Variants in TLR4 observed in about 807,000 individuals in gnomAD.
TLR4 encodes the protein toll-like receptor 4.
In TLR4, 17 loss-of-function variants were observed where a neutral mutation model predicts 27.4. The ratio of observed to expected loss-of-function variants is 0.62; its 90% confidence interval spans 0.42 to 0.93. TLR4 has a LOEUF of 0.93. Among genes scored for constraint, TLR4 ranks in the 40% least tolerant of loss-of-function variants. The pLI is 0.00. For missense variants in TLR4, 926 were observed against 962.3 expected, an observed-to-expected ratio of 0.96 and a Z score of 0.50; for synonymous variants, 363 against 365.7, an observed-to-expected ratio of 0.99 and a Z score of 0.08.
intron 2 of TLR4, among the ~76,000 whole-genome samples, chr9:117,709,174 A>G (rs1002034544): frequency 2.0e-5 from 3 of 152,182 alleles, no homozygotes; most frequent in Non-Finnish European, 4.4e-5. Context: ...TACATAGTAT[A>G]TAGTCAACAC....
chr9:117,708,334 A>T, intron 1 of TLR4: 1 of 1,338,818 alleles, frequency 7.5e-7, no homozygotes, highest in Non-Finnish European at 9.6e-7. Flanking sequence ...AATGCTGAGC[A>T]CGTAGTAGGT....
intron 1 of TLR4, among the ~76,000 whole-genome samples, chr9:117,705,996 T>C (rs539091421): frequency 1.3e-5 from 2 of 152,316 alleles, no homozygotes; most frequent in East Asian, 1.9e-4. Flanking sequence ...ATTTCGATAA[T>C]AGTTTTATTT....
rs1829100588 is a variant in TLR4, at chr9:117,704,455, A to G, written c.-18A>G. The G allele has an allele frequency of 1.2e-6, 2 of 1,608,894 alleles. No homozygotes were observed. The highest frequency in any genetic ancestry group is 2.7e-5 in the African/African-American group (2 of 74,968). On this transcript the variant is annotated 5_prime_UTR_variant, in exon 1 of 3. Transcript: ENST00000355622. Reference sequence around the variant, plus strand: ...CAGGGCCACTGCTGCTCACAGAAGCAGTGAGGATGATGCCAGGATGATGTC... The same window carrying G: ...CAGGGCCACTGCTGCTCACAGAAGCGGTGAGGATGATGCCAGGATGATGTC...
At position 117,714,004 on chromosome 9, in the gene TLR4, A is replaced by G; in HGVS notation, c.1876A>G (p.Thr626Ala). ...QGMPVLSLNI[T>A]CQMNKTIIGV... ...CATGCCTGTGCTGAGTTTGAATATCACCTGTCAGATGAATAAGACCATCAT... is the reference window on the plus strand; with the variant it reads ...CATGCCTGTGCTGAGTTTGAATATCGCCTGTCAGATGAATAAGACCATCAT... Residue 626 changes from threonine to alanine, a missense_variant, in exon 3 of 3, where the codon ACC becomes GCC. Coordinates refer to ENST00000355622, the MANE Select transcript of TLR4 (RefSeq NM_138554.5). The G allele has an allele frequency of 6.2e-7, 1 of 1,613,876 alleles. No individual in the cohort carries two copies. Among genetic ancestry groups the G allele is most frequent in the Non-Finnish European group, 8.5e-7 (1 of 1,179,946 alleles).
rs1829402445 is a variant in TLR4 at position 117,719,811 on chromosome 9, C to G, written c.*5163C>G. 6.6e-6 allele frequency: 1 copy of G among 152,170 alleles called. No individual in the cohort carries two copies. The highest frequency in any genetic ancestry group is 6.5e-5 in the Admixed American group (1 of 15,280). The allele number at this position is 152,170 out of a possible 1,614,324, so 9.4% of individuals were successfully genotyped here. A position where few individuals can be genotyped will look rare whatever the true frequency, so the allele number is the denominator to read the frequency against. ...GGCTGCCCTTATGGAGATCACCGAA[C>G]TTTTCAACTCAAAGTAAAATCTGTG... On this transcript the variant is annotated 3_prime_UTR_variant, in exon 3 of 3. Coordinates refer to ENST00000355622, the MANE Select transcript of TLR4 (RefSeq NM_138554.5).
rs1402731343 is a variant in TLR4, at chr9:117,718,660, T to C, written c.*4012T>C. The C allele has an allele frequency of 6.6e-6, 1 of 152,170 alleles. No homozygotes were observed. The highest frequency in any genetic ancestry group is 2.1e-4 in the South Asian group (1 of 4,828). 9.4% of individuals were successfully genotyped at this position (152,170 alleles called of 1,614,324 possible). A position where few individuals can be genotyped will look rare whatever the true frequency, so the allele number is the denominator to read the frequency against. ...TCTCTGAGAGTCTACTTAGCTCCAATGTAAAATAAGAATAGAACTATGACT... is the reference window on the plus strand; with the variant it reads ...TCTCTGAGAGTCTACTTAGCTCCAACGTAAAATAAGAATAGAACTATGACT... On this transcript the variant is annotated 3_prime_UTR_variant, in exon 3 of 3. Coordinates refer to ENST00000355622, the MANE Select transcript of TLR4 (RefSeq NM_138554.5).
intron 1 of TLR4, among the ~76,000 whole-genome samples, chr9:117,704,811 C>T (rs1391903302): frequency 6.6e-6 from 1 of 152,124 alleles, no homozygotes; most frequent in Non-Finnish European, 1.5e-5. Context: ...TGCTTAAGGT[C>T]CCTGCTCTGC....
chr9:117,708,194 T>C, intron 1 of TLR4: 1 of 1,023,262 alleles, frequency 9.8e-7, no homozygotes, highest in Non-Finnish European at 1.2e-6. Flanking sequence ...GTTTTGTTTT[T>C]AAAGACTTGG....
rs1588098340 is a variant in TLR4 at position 117,720,787 on chromosome 9, T to C, written c.*6139T>C. 6.6e-6 allele frequency: 1 copy of C among 152,358 alleles called. No homozygotes were observed. Among genetic ancestry groups the C allele is most frequent in the Admixed American group, 6.5e-5 (1 of 15,268 alleles). The allele number at this position is 152,358 out of a possible 1,614,324, so 9.4% of individuals were successfully genotyped here. ...CCTGAAATAACCCAGCCTGACTCTATCCACAGCCACCCCAGGACCTTGCCC... is the reference window on the plus strand; with the variant it reads ...CCTGAAATAACCCAGCCTGACTCTACCCACAGCCACCCCAGGACCTTGCCC... On this transcript the variant is annotated 3_prime_UTR_variant, in exon 3 of 3. Coordinates refer to ENST00000355622, the MANE Select transcript of TLR4 (RefSeq NM_138554.5).
At position 117,723,439 on chromosome 9, in the gene TLR4, G is replaced by A. The variant is rs1004328910; in HGVS notation, c.*8791G>A. The A allele has an allele frequency of 6.6e-6, 1 of 152,142 alleles. No individual in the cohort carries two copies. The highest frequency in any genetic ancestry group is 1.5e-5 in the Non-Finnish European group (1 of 68,020). 9.4% of individuals were successfully genotyped at this position (152,142 alleles called of 1,614,324 possible). ...ACCACTAACAGGCTGTTGAACAAAGGCAAATCTCTTGATCTCTTTGCTCTT... is the reference window on the plus strand; with the variant it reads ...ACCACTAACAGGCTGTTGAACAAAGACAAATCTCTTGATCTCTTTGCTCTT... On this transcript the variant is annotated 3_prime_UTR_variant, in exon 3 of 3. Coordinates refer to ENST00000355622, the MANE Select transcript of TLR4 (RefSeq NM_138554.5).
At chr9:117,710,090 T>C (rs1829206045) in intron 2 of TLR4, among the ~76,000 whole-genome samples, 1 of 152,120 alleles carries the variant, frequency 6.6e-6, no homozygotes, top group African/African-American at 2.4e-5. Flanking sequence ...ATTTCAACTT[T>C]TATTTTTGAT....
rs894611311 is a variant in TLR4 at position 117,721,847 on chromosome 9, A to C, written c.*7199A>C. The stretch of plus-strand genomic sequence containing the variant: ...TTATTGCTAAGATTCATGATAGCCC[A>C]GGCAAGGTCAGATAATGTATTTTTA... On this transcript the variant is annotated 3_prime_UTR_variant, in exon 3 of 3. Coordinates refer to ENST00000355622, the MANE Select transcript of TLR4 (RefSeq NM_138554.5). The C allele has an allele frequency of 2.0e-5, 3 of 152,192 alleles. No homozygotes were observed. The highest frequency in any genetic ancestry group is 4.4e-5 in the Non-Finnish European group (3 of 68,032). 9.4% of individuals were successfully genotyped at this position (152,192 alleles called of 1,614,324 possible). A position where few individuals can be genotyped will look rare whatever the true frequency, so the allele number is the denominator to read the frequency against.
In TLR4 at chr9:117,714,742, C is replaced by A; in HGVS notation, c.*94C>A. 1 of 1,103,644 alleles carries A rather than the reference C, an allele frequency of 9.1e-7. No individual in the cohort carries two copies. The highest frequency in any genetic ancestry group is 1.3e-6 in the Non-Finnish European group (1 of 741,618). 68.4% of individuals were successfully genotyped at this position (1,103,644 alleles called of 1,614,324 possible). The stretch of plus-strand genomic sequence containing the variant: ...GTATTAAATGCTGCCACATGTCAGG[C>A]CTTATGCTAAGGGTGAGTAATTCCA... On this transcript the variant is annotated 3_prime_UTR_variant, in exon 3 of 3. Transcript: ENST00000355622.
chr9:117,714,079 G>A lies in TLR4; in HGVS notation c.1951G>A (p.Val651Ile). Residue 651 changes from valine (V) to isoleucine (I), a missense_variant, in exon 3 of 3, where the codon GTC becomes ATC. Val to Ile is a conservative substitution (Grantham distance 29). Coordinates refer to ENST00000355622, the MANE Select transcript of TLR4 (RefSeq NM_138554.5). ...VLVVSVVAVLVYKFYFHLMLL... is the reference protein window; with the variant it reads ...VLVVSVVAVLIYKFYFHLMLL... The stretch of plus-strand genomic sequence containing the variant: ...TGTAGTATCTGTTGTAGCAGTTCTG[G>A]TCTATAAGTTCTATTTTCACCTGAT... 1 of 1,613,982 alleles carries A rather than the reference G, an allele frequency of 6.2e-7. No homozygotes were observed. Among genetic ancestry groups the A allele is most frequent in the Non-Finnish European group, 8.5e-7 (1 of 1,179,990 alleles).
Position 117,712,411 on chromosome 9 carries a change from G to A in TLR4, c.283G>A (p.Asp95Asn). ...LSRCEIQTIE[D>N]GAYQSLSHLS... ...TAGGTGTGAAATCCAGACAATTGAA[G>A]ATGGGGCATATCAGAGCCTAAGCCA... Residue 95 changes from aspartate to asparagine, a missense_variant, in exon 3 of 3, where the codon GAT becomes AAT. Transcript: ENST00000355622. The A allele has an allele frequency of 6.2e-7, 1 of 1,613,800 alleles. No individual in the cohort carries two copies. The highest frequency in any genetic ancestry group is 8.5e-7 in the Non-Finnish European group (1 of 1,179,860).
chr9:117,713,763 C>T lies in TLR4; in HGVS notation c.1635C>T (p.Ser545=), dbSNP rs140976297. The T allele has an allele frequency of 7.4e-6, 12 of 1,613,814 alleles. No homozygotes were observed. Among genetic ancestry groups the T allele is most frequent in the Non-Finnish European group, 1.0e-5 (12 of 1,180,018 alleles). The part of the protein sequence containing the change: ...LDTFPYKCLN[S]LQVLDYSLNH... ...CGTTTCCTTATAAGTGTCTGAACTC[C>T]CTCCAGGTTCTTGATTACAGTCTCA... The change falls in exon 3 of 3, where the codon TCC becomes TCT. Residue 545 remains serine, a synonymous_variant. Transcript: ENST00000355622.
In TLR4 at chr9:117,716,150, G is replaced by T. The variant is rs199742906; in HGVS notation, c.*1502G>T. 3 of 152,166 alleles carry T rather than the reference G, an allele frequency of 2.0e-5. No individual in the cohort carries two copies. The highest frequency in any genetic ancestry group is 7.2e-5 in the African/African-American group (3 of 41,502). The allele number at this position is 152,166 out of a possible 1,614,324, so 9.4% of individuals were successfully genotyped here. On this transcript the variant is annotated 3_prime_UTR_variant, in exon 3 of 3. Coordinates refer to ENST00000355622, the MANE Select transcript of TLR4 (RefSeq NM_138554.5). ...TAGCCGTTATGAAAAACAGTACGGAGGTTTCTCAAAAATTAAAAATAGAAC... is the reference window on the plus strand; with the variant it reads ...TAGCCGTTATGAAAAACAGTACGGATGTTTCTCAAAAATTAAAAATAGAAC...
Position 117,718,518 on chromosome 9 carries a change from C to G in TLR4, c.*3870C>G, listed in dbSNP as rs533497793. The stretch of plus-strand genomic sequence containing the variant: ...GAATAAAAAGAGGAGAGAAAGACAC[C>G]GAGAATGAGCGTTAATACAGTGCTT... On this transcript the variant is annotated 3_prime_UTR_variant, in exon 3 of 3. Transcript: ENST00000355622. 2.0e-5 allele frequency: 3 copies of G among 151,606 alleles called. No homozygotes were observed. The highest frequency in any genetic ancestry group is 1.3e-4 in the Admixed American group (2 of 15,214). The allele number at this position is 151,606 out of a possible 1,614,324, so 9.4% of individuals were successfully genotyped here.
Position 117,713,423 on chromosome 9 carries a change from C to T in TLR4, c.1295C>T (p.Ser432Phe), listed in dbSNP as rs1829278212. The T allele has an allele frequency of 6.2e-7, 1 of 1,613,912 alleles. No homozygotes were observed. The highest frequency in any genetic ancestry group is 8.5e-7 in the Non-Finnish European group (1 of 1,179,960). ...CTAGAACATCTGGATTTCCAGCATT[C>T]CAATTTGAAACAAATGAGTGAGTTT... ...EQLEHLDFQH[S>F]NLKQMSEFSV... Residue 432 changes from serine (S) to phenylalanine (F), a missense_variant, in exon 3 of 3, where the codon TCC becomes TTC. Ser to Phe is a radical substitution (Grantham distance 155). Coordinates refer to ENST00000355622, the MANE Select transcript of TLR4 (RefSeq NM_138554.5).
Sources: allele counts gnomAD v4.1 joint callset (sites outside exome capture counted in the v4.1 genomes callset), GRCh38; gene constraint gnomAD v4.1.1; transcripts MANE v1.5; gene names NCBI Gene and HGNC (gene_info 2026-07-23, HGNC 2026-07-21).